The following PKHD1L1 variants were observed in gnomAD, a reference collection of about 807,000 sequenced individuals.
The protein encoded by PKHD1L1 is fibrocystin-L.
In PKHD1L1, 434 loss-of-function variants were observed where a neutral mutation model predicts 462.9. That is an observed-to-expected ratio of 0.94 (90% CI 0.87 to 1.02). PKHD1L1 has a LOEUF of 1.02. Ranked by LOEUF, PKHD1L1 falls within the 50% of genes least tolerant of loss-of-function variation. The pLI, the probability that PKHD1L1 is intolerant of heterozygous loss-of-function variation, is 0.00. For missense variants in PKHD1L1, 5,202 were observed against 5,096.1 expected (o/e 1.02, Z -0.63); for synonymous variants, 1,781 against 1,750.0 (o/e 1.02, Z -0.44).
Position 109,518,224 on chromosome 8 carries a change from C to A in PKHD1L1, c.11747C>A (p.Thr3916Asn), listed in dbSNP as rs1364028960. The change falls in exon 73 of 78, where the codon ACC (threonine) becomes AAC (asparagine). Residue 3916 changes from threonine (T) to asparagine (N), a missense_variant. Around this residue, in one of 3 missense-constraint regions of PKHD1L1, gnomAD observed 698 missense variants for 736.3 expected, o/e 0.95. Transcript: ENST00000378402. ...CTTGGTGAAAACTACTTTGATGGAACCTACCAGATGCTTTATCTTTTGGTT... is the reference window on the plus strand; with the variant it reads ...CTTGGTGAAAACTACTTTGATGGAAACTACCAGATGCTTTATCTTTTGGTT... Reference protein sequence around the residue: ...TVLGENYFDGTYQMLYLLVKG... With the variant: ...TVLGENYFDGNYQMLYLLVKG... 1 of 1,611,028 alleles carries A rather than the reference C, an allele frequency of 6.2e-7. No individual in the cohort carries two copies. The highest frequency in any genetic ancestry group is 1.1e-5 in the South Asian group (1 of 90,988).
chr8:109,429,929 A>G lies in PKHD1L1; in HGVS notation c.3124-3A>G. The G allele has an allele frequency of 6.2e-7, 1 of 1,603,466 alleles. No homozygotes were observed. Among genetic ancestry groups the G allele is most frequent in the Non-Finnish European group, 8.5e-7 (1 of 1,171,356 alleles). On this transcript the variant is annotated splice_polypyrimidine_tract_variant and splice_region_variant and intron_variant, in intron 26 of 77. Coordinates refer to ENST00000378402, the MANE Select transcript of PKHD1L1 (RefSeq NM_177531.6). Reference sequence around the variant, plus strand: ...CTGTAGCTTCTTGTTTCTTTACTTGAAGGTTGAAGTCTATGTCAATGGAAT... The same window carrying G: ...CTGTAGCTTCTTGTTTCTTTACTTGGAGGTTGAAGTCTATGTCAATGGAAT...
At position 109,420,501 on chromosome 8, in the gene PKHD1L1, T is replaced by G. The variant is rs1188137563; in HGVS notation, c.2525-17T>G. The G allele has an allele frequency of 1.0e-5, 15 of 1,482,580 alleles. No individual in the cohort carries two copies. The highest frequency in any genetic ancestry group is 2.8e-5 in the South Asian group (2 of 72,260). The allele number at this position is 1,482,580 out of a possible 1,614,324, so 91.8% of individuals were successfully genotyped here. A position where few individuals can be genotyped will look rare whatever the true frequency, so the allele number is the denominator to read the frequency against. On this transcript the variant is annotated splice_polypyrimidine_tract_variant and intron_variant, in intron 22 of 77. Transcript: ENST00000378402. ...TTACTTTTACACCAACCTAATATTT[T>G]TATTTATATTCTTTAGAAATGCCCA...
chr8:109,373,884 C>A (rs1271744169), intron 2 of PKHD1L1, among the ~76,000 whole-genome samples: 2 of 152,122 alleles, frequency 1.3e-5, no homozygotes, highest in Non-Finnish European at 2.9e-5. Context: ...TTTATAATTT[C>A]TATTCTTTTA....
intron 46 of PKHD1L1, 59 bp downstream of exon 46, chr8:109,456,450 A>G (rs1428474976): frequency 2.1e-6 from 3 of 1,449,764 alleles, no homozygotes; most frequent in Non-Finnish European, 2.7e-6. Context: ...TATACTGTAT[A>G]AAGAGGGACA....
chr8:109,411,685 G>A (rs1440855378), intron 19 of PKHD1L1, among the ~76,000 whole-genome samples: 1 of 152,026 alleles, frequency 6.6e-6, no homozygotes, highest in Non-Finnish European at 1.5e-5. Flanking sequence ...GACTCTCTCT[G>A]AAGCCCCTAC....
chr8:109,496,278 G>C (rs1819082304), intron 63 of PKHD1L1, among the ~76,000 whole-genome samples: 1 of 152,170 alleles, frequency 6.6e-6, no homozygotes, highest in Non-Finnish European at 1.5e-5. Flanking sequence ...CAAGTGAAAG[G>C]AATTTTAATT....
chr8:109,476,680 A>G lies in PKHD1L1; in HGVS notation c.8917+13A>G, dbSNP rs373566084. 3.6e-5 allele frequency: 56 copies of G among 1,574,024 alleles called. No homozygotes were observed. The highest frequency in any genetic ancestry group is 4.7e-5 in the Non-Finnish European group (55 of 1,162,358). The stretch of plus-strand genomic sequence containing the variant: ...CTATATTACTTGGGTATGTGTCATT[A>G]GGCAGAAATGATAGTTTATCTAATG... On this transcript the variant is annotated intron_variant, in intron 52 of 77. Transcript: ENST00000378402.
intron 47 of PKHD1L1, among the ~76,000 whole-genome samples, chr8:109,461,384 G>A (rs1586562790): frequency 6.6e-6 from 1 of 152,232 alleles, no homozygotes; most frequent in Admixed American, 6.5e-5. Context: ...TACTATGGTT[G>A]TAAAAAAGTA....
chr8:109,530,953 T>A lies in PKHD1L1; in HGVS notation c.*863T>A, dbSNP rs1291435504. ...ATTTTCAAGAAGATAAATTAGAGAA[T>A]GCAAAAAAGCTACAGACTAAGGTAG... On this transcript the variant is annotated 3_prime_UTR_variant, in exon 78 of 78. Coordinates refer to ENST00000378402, the MANE Select transcript of PKHD1L1 (RefSeq NM_177531.6). 6.6e-6 allele frequency among the ~76,000 whole-genome samples: 1 copy of A among 152,090 alleles called. No individual in the cohort carries two copies.
At position 109,522,325 on chromosome 8, in the gene PKHD1L1, T is replaced by C; in HGVS notation, c.12171T>C (p.Ser4057=). 1.3e-6 allele frequency: 2 copies of C among 1,586,532 alleles called. No individual in the cohort carries two copies. The highest frequency in any genetic ancestry group is 1.7e-6 in the Non-Finnish European group (2 of 1,169,440). The part of the protein sequence containing the change: ...ITNPLPSPSD[S]GWIKVTAQPV... ...ATCCCCTCCCCAGCCCAAGTGACTC[T>C]GGGTGGATTAAGGTAAGAAAATGCA... is the stretch of plus-strand genomic sequence containing the variant. Residue 4057 remains serine, a synonymous_variant, in exon 74 of 78, where the codon TCT becomes TCC. Coordinates refer to ENST00000378402, the MANE Select transcript of PKHD1L1 (RefSeq NM_177531.6).
intron 28 of PKHD1L1, among the ~76,000 whole-genome samples, chr8:109,434,020 C>T (rs1280188860): frequency 1.3e-5 from 2 of 151,998 alleles, no homozygotes; most frequent in African/African-American, 2.4e-5. Context: ...GAACGGAAAA[C>T]CAAACACCAG....
At chr8:109,428,510 T>C (rs1449286042) in intron 25 of PKHD1L1, among the ~76,000 whole-genome samples, 3 of 152,096 alleles carry the variant, frequency 2.0e-5, no homozygotes, top group Non-Finnish European at 4.4e-5. Flanking sequence ...AAAACAAGTC[T>C]GTATGGTTGT....
intron 6 of PKHD1L1, among the ~76,000 whole-genome samples, 182 bp downstream of exon 6, chr8:109,385,812 A>G (rs1243130648): frequency 3.9e-5 from 6 of 152,116 alleles, no homozygotes; most frequent in Admixed American, 3.3e-4. Flanking sequence ...CACAAAAGCA[A>G]TGGTCGATAT....
At chr8:109,402,023 A>G (rs899016606) in intron 14 of PKHD1L1, among the ~76,000 whole-genome samples, 1 of 152,158 alleles carries the variant, frequency 6.6e-6, no homozygotes, top group Non-Finnish European at 1.5e-5. Flanking sequence ...CAGGTACTGG[A>G]AATTTAAGAA....
rs888196191 is a variant in PKHD1L1 at position 109,491,953 on chromosome 8, A to C, written c.10195A>C (p.Arg3399=). Residue 3399 remains arginine (R), a synonymous_variant, in exon 62 of 78, where the codon AGA becomes CGA. Coordinates refer to ENST00000378402, the MANE Select transcript of PKHD1L1 (RefSeq NM_177531.6). The part of the protein sequence containing the change: ...LSVWPGTYQN[R]KDLSSTLWHA... ...GGTTTGGCCAGGAACCTATCAGAAC[A>C]GAAAAGATTTAAGTTCAACTCTCTG... is the stretch of plus-strand genomic sequence containing the variant. 3.8e-6 allele frequency: 6 copies of C among 1,591,100 alleles called. No homozygotes were observed. Among genetic ancestry groups the C allele is most frequent in the South Asian group, 1.1e-5 (1 of 87,912 alleles).
At position 109,433,121 on chromosome 8, in the gene PKHD1L1, G is replaced by A. The variant is rs1815203495; in HGVS notation, c.3245G>A (p.Gly1082Asp). Residue 1082 changes from glycine to aspartate, a missense_variant, in exon 28 of 78, where the codon GGC becomes GAC. Around this residue, in one of 3 missense-constraint regions of PKHD1L1, gnomAD observed 4,497 missense variants for 4,336.8 expected, o/e 1.04. Transcript: ENST00000378402. The stretch of plus-strand genomic sequence containing the variant: ...TCATTTTTAGGGTCCTATGAAGAAG[G>A]CACAATTCTAACCATAGTGGGTTCT... The part of the protein sequence containing the change: ...ISPSQGSYEE[G>D]TILTIVGSGF... 6.2e-7 allele frequency: 1 copy of A among 1,611,706 alleles called. No homozygotes were observed. The highest frequency in any genetic ancestry group is 1.3e-5 in the African/African-American group (1 of 74,910).
chr8:109,501,145 G>A (rs1254836129), intron 67 of PKHD1L1, among the ~76,000 whole-genome samples: 2 of 151,182 alleles, frequency 1.3e-5, no homozygotes, highest in Non-Finnish European at 2.9e-5. Context: ...AATGCCCTTT[G>A]TTTTAGGTTA....
Position 109,481,539 on chromosome 8 carries a change from C to A in PKHD1L1, c.9434C>A (p.Pro3145Gln), listed in dbSNP as rs769746673. 3 of 1,594,952 alleles carry A rather than the reference C, an allele frequency of 1.9e-6. No homozygotes were observed. Among genetic ancestry groups the A allele is most frequent in the Non-Finnish European group, 1.7e-6 (2 of 1,170,178 alleles). ...TTQDWALPEGPNQGAKVLGVF... is the reference protein window; with the variant it reads ...TTQDWALPEGQNQGAKVLGVF... Reference sequence around the variant, plus strand: ...CAAGACTGGGCTCTTCCAGAAGGACCAAATCAAGGGGCAAAGGTCTTAGGT... The same window carrying A: ...CAAGACTGGGCTCTTCCAGAAGGACAAAATCAAGGGGCAAAGGTCTTAGGT... The change falls in exon 56 of 78, where the codon CCA becomes CAA. Residue 3145 changes from proline to glutamine, a missense_variant. This residue lies in a region of PKHD1L1 where 4,497 missense variants were observed against 4,336.8 expected (regional missense o/e 1.04). Coordinates refer to ENST00000378402, the MANE Select transcript of PKHD1L1 (RefSeq NM_177531.6).
rs1269936444 is a variant in PKHD1L1 at position 109,522,946 on chromosome 8, A to G, written c.12330+56A>G. ...GAAGGAATTAAGCTACAAATTCTGA[A>G]GGATGAGCCAGTTTCACTCATCCTG... On this transcript the variant is annotated intron_variant, in intron 75 of 77. Transcript: ENST00000378402. 7 of 1,484,586 alleles carry G rather than the reference A, an allele frequency of 4.7e-6. No homozygotes were observed. In the Admixed American group the frequency reaches 6.7e-5, roughly 14 times the overall value. The allele number at this position is 1,484,586 out of a possible 1,614,324, so 92.0% of individuals were successfully genotyped here. A position where few individuals can be genotyped will look rare whatever the true frequency, so the allele number is the denominator to read the frequency against.
Sources: allele counts gnomAD v4.1 joint callset (sites outside exome capture counted in the v4.1 genomes callset), GRCh38; gene constraint gnomAD v4.1.1; regional missense constraint gnomAD v4.1.1; transcripts MANE v1.5; gene names NCBI Gene and HGNC (gene_info 2026-07-23, HGNC 2026-07-21).